The following HIVEP1 variants were observed in gnomAD, a reference collection of about 807,000 sequenced individuals.
HIVEP1 encodes the protein HIVEP zinc finger 1.
Under a neutral mutation model 180.0 loss-of-function variants are expected in HIVEP1, and 36 were observed. The observed-to-expected ratio is 0.20, with a 90% CI of 0.15 to 0.26. The LOEUF (loss-of-function observed/expected upper bound fraction) is 0.26. Ranked by LOEUF, HIVEP1 falls within the 10% of genes least tolerant of loss-of-function variation. The probability of loss-of-function intolerance (pLI) is 1.00; values close to 1 mark genes in which losing one functional copy is unlikely to be tolerated. For missense variants in HIVEP1, 3,143 were observed against 3,268.7 expected (o/e 0.96, Z 0.94); for synonymous variants, 1,239 against 1,239.0 (o/e 1.00, Z 0.00).
At chr6:12,153,627 G>A (rs1438312540) in intron 7 of HIVEP1, among the ~76,000 whole-genome samples, 2 of 148,390 alleles carry the variant, frequency 1.3e-5, no homozygotes, top group Non-Finnish European at 3.0e-5. Flanking sequence ...TAGGTTCTAA[G>A]AATTTAAAAT....
chr6:12,103,577 T>A (rs1382673234), intron 3 of HIVEP1, among the ~76,000 whole-genome samples: 1 of 151,846 alleles, frequency 6.6e-6, no homozygotes, highest in Non-Finnish European at 1.5e-5. Flanking sequence ...TTTTTTTTTA[T>A]CTATCTGGAC....
chr6:12,122,526 C>T lies in HIVEP1; in HGVS notation c.2731C>T (p.His911Tyr). ...AGAAGACTCTTCAGCAAATGAAAGT[C>T]ATGTTCTTGGTACTGGACAGTCCCT... ...AIEDSSANES[H>Y]VLGTGQSLDE... The change falls in exon 4 of 9, where the codon CAT (histidine) becomes TAT (tyrosine). Residue 911 changes from histidine to tyrosine, a missense_variant. By Grantham distance (83) the His-to-Tyr change is moderately conservative. This residue lies in a region of HIVEP1 where 204 missense variants were observed against 243.7 expected (regional missense o/e 0.84). Coordinates refer to ENST00000379388, the MANE Select transcript of HIVEP1 (RefSeq NM_002114.4). 2 of 1,614,168 alleles carry T rather than the reference C, an allele frequency of 1.2e-6. No individual in the cohort carries two copies. Among genetic ancestry groups the T allele is most frequent in the Non-Finnish European group, 1.7e-6 (2 of 1,180,040 alleles).
Position 12,163,951 on chromosome 6 carries a change from A to G in HIVEP1, c.7647A>G (p.Ile2549Met). ...TTCCAGGTCTCCAGATCTTGAACAT[A>G]GCATTGCCCACCTTAATCCCCTCAG... ...AHIPGLQILN[I>M]ALPTLIPSVS... The change falls in exon 9 of 9, where the codon ATA (isoleucine) becomes ATG (methionine). Residue 2549 changes from isoleucine to methionine, a missense_variant. Around this residue, in one of 12 missense-constraint regions of HIVEP1, gnomAD observed 595 missense variants for 602.2 expected, o/e 0.99. Transcript: ENST00000379388. 1 of 1,614,082 alleles carries G rather than the reference A, an allele frequency of 6.2e-7. No individual in the cohort carries two copies. Among genetic ancestry groups the G allele is most frequent in the African/African-American group, 1.3e-5 (1 of 75,002 alleles).
chr6:12,200,951 G>GA, the HIVEP1 span, among the ~76,000 whole-genome samples: 1 of 152,096 alleles, frequency 6.6e-6, no homozygotes, highest in African/African-American at 2.4e-5. Flanking sequence ...CCTAAGTCAT[G>GA]CCTAGCCCAG....
At chr6:12,107,948 A>G (rs979706529) in intron 3 of HIVEP1, among the ~76,000 whole-genome samples, 3 of 152,108 alleles carry the variant, frequency 2.0e-5, no homozygotes, top group Admixed American at 1.3e-4. Flanking sequence ...CTAGATACAG[A>G]GTGTGGACAC....
intron 3 of HIVEP1, among the ~76,000 whole-genome samples, chr6:12,111,671 T>G (rs1469376939): frequency 6.6e-6 from 1 of 152,272 alleles, no homozygotes. Context: ...CAGGTCTCAT[T>G]TCCTGTCTCT....
the HIVEP1 span, among the ~76,000 whole-genome samples, chr6:12,189,275 TA>T: frequency 6.6e-6 from 1 of 151,880 alleles, no homozygotes; most frequent in African/African-American, 2.4e-5. Flanking sequence ...ATATGAGAGT[TA>T]AAAAAACACT....
chr6:12,109,255 A>G (rs1047392478), intron 3 of HIVEP1, among the ~76,000 whole-genome samples: 1 of 152,134 alleles, frequency 6.6e-6, no homozygotes, highest in Non-Finnish European at 1.5e-5. Flanking sequence ...AGCCTCCCAA[A>G]GTGCTGGGAT....
intron 3 of HIVEP1, among the ~76,000 whole-genome samples, chr6:12,118,003 G>C (rs1003453521): frequency 9.8e-5 from 15 of 152,310 alleles, no homozygotes; most frequent in African/African-American, 3.4e-4. Context: ...GGGAAAACCA[G>C]TGGGAAAACA....
In HIVEP1 at chr6:12,163,548, C is replaced by T. The variant is rs371741640; in HGVS notation, c.7244C>T (p.Thr2415Met). Residue 2415 changes from threonine (T) to methionine (M), a missense_variant, in exon 9 of 9, where the codon ACG (threonine) becomes ATG (methionine). Thr to Met is a moderately conservative substitution (Grantham distance 81). This residue lies in a region of HIVEP1 where 595 missense variants were observed against 602.2 expected (regional missense o/e 0.99). Transcript: ENST00000379388. ...HVVPAGLTYS[T>M]FVPLQAGPVQ... ...GTACCTGCTGGCCTCACATACTCCA[C>T]GTTTGTGCCCCTTCAGGCTGGACCA... 22 of 1,614,190 alleles carry T rather than the reference C, an allele frequency of 1.4e-5. No homozygotes were observed. The highest frequency in any genetic ancestry group is 4.5e-5 in the East Asian group (2 of 44,886).
At chr6:12,141,220 A>C (rs566522661) in intron 7 of HIVEP1, among the ~76,000 whole-genome samples, 1 of 152,274 alleles carries the variant, frequency 6.6e-6, no homozygotes. Context: ...GGTATTCAGC[A>C]TTCTTAAAGA....
At chr6:12,043,340 A>G (rs940451973) in intron 2 of HIVEP1, among the ~76,000 whole-genome samples, 1 of 142,480 alleles carries the variant, frequency 7.0e-6, no homozygotes, top group Admixed American at 7.1e-5. Context: ...TCCTATTCCC[A>G]CTTTCTAAGT....
intron 2 of HIVEP1, among the ~76,000 whole-genome samples, chr6:12,017,000 C>T (rs369726515): frequency 5.9e-5 from 9 of 152,168 alleles, no homozygotes; most frequent in Admixed American, 5.9e-4. Context: ...CAGCACAGTT[C>T]CTGGCAGCTA....
intron 3 of HIVEP1, among the ~76,000 whole-genome samples, chr6:12,093,705 C>T (rs1366292047): frequency 6.6e-6 from 1 of 150,612 alleles, no homozygotes; most frequent in Non-Finnish European, 1.5e-5. Flanking sequence ...TGTGGGTTTG[C>T]TTCTTAGCTC....
In HIVEP1 at chr6:12,119,927, C is replaced by T; in HGVS notation, c.132C>T (p.Ser44=). 1.3e-6 allele frequency: 2 copies of T among 1,591,464 alleles called. No homozygotes were observed. Among genetic ancestry groups the T allele is most frequent in the Non-Finnish European group, 1.7e-6 (2 of 1,173,366 alleles). ...LQAGVKGTSE[S]LKGVKRKKIV... is the part of the protein sequence containing the mutation. ...CTGGTGTTAAAGGAACTTCGGAATCCCTTAAAGGTGTGAAACGCAAAAAGA... is the reference window on the plus strand; with the variant it reads ...CTGGTGTTAAAGGAACTTCGGAATCTCTTAAAGGTGTGAAACGCAAAAAGA... Residue 44 remains serine (S), a synonymous_variant, in exon 4 of 9, where the codon TCC becomes TCT. Transcript: ENST00000379388.
intron 2 of HIVEP1, among the ~76,000 whole-genome samples, chr6:12,088,441 A>G (rs991256446): frequency 1.3e-5 from 2 of 152,120 alleles, no homozygotes; most frequent in Non-Finnish European, 2.9e-5. Context: ...GTATATCCTT[A>G]TAAAGTTTAA....
chr6:12,104,974 A>C (rs1774340951), intron 3 of HIVEP1, among the ~76,000 whole-genome samples: 1 of 152,152 alleles, frequency 6.6e-6, no homozygotes, highest in Non-Finnish European at 1.5e-5. Context: ...TGGTTCTTTC[A>C]TGTTGAATTC....
chr6:12,136,712 T>C (rs190769506), intron 7 of HIVEP1, among the ~76,000 whole-genome samples: 1 of 152,332 alleles, frequency 6.6e-6, no homozygotes, highest in East Asian at 1.9e-4. Flanking sequence ...AAAGTGTTTA[T>C]TATTCCGAAA....
At chr6:12,019,547 G>A (rs1316251318) in intron 2 of HIVEP1, among the ~76,000 whole-genome samples, 2 of 152,156 alleles carry the variant, frequency 1.3e-5, no homozygotes, top group East Asian at 3.9e-4. Context: ...AGGAGTCACA[G>A]CCCAGTTTGC....
Sources: allele counts gnomAD v4.1 joint callset (sites outside exome capture counted in the v4.1 genomes callset), GRCh38; gene constraint gnomAD v4.1.1; regional missense constraint gnomAD v4.1.1; transcripts MANE v1.5; gene names NCBI Gene and HGNC (gene_info 2026-07-23, HGNC 2026-07-21).